Variants in KRABD2 observed in about 807,000 individuals in gnomAD.
KRABD2 encodes the protein KRAB domain-containing protein 2.
the KRABD2 span, among the ~76,000 whole-genome samples, chr17:8,363,914 G>T: frequency 7.0e-6 from 1 of 143,578 alleles, no homozygotes; most frequent in Non-Finnish European, 1.5e-5. Context: ...TGTTGCCCAG[G>T]CTGGAGTGCA....
the KRABD2 span, chr17:8,375,887 T>G: frequency 1.5e-4 from 180 of 1,227,862 alleles, no homozygotes; most frequent in African/African-American, 2.6e-3. Flanking sequence ...CCATGTTTAC[T>G]CCCTTCACCC....
the KRABD2 span, chr17:8,371,805 A>T: frequency 5.2e-6 from 6 of 1,148,130 alleles, no homozygotes; most frequent in Non-Finnish European, 6.4e-6. Flanking sequence ...TGGAAATATT[A>T]TATCTGTGTA....
the KRABD2 span, chr17:8,370,233 C>T: frequency 6.2e-7 from 1 of 1,613,468 alleles, no homozygotes; most frequent in Non-Finnish European, 8.5e-7. Context: ...AAATACCTTG[C>T]TGTTGTAACT....
chr17:8,370,080 T>C, the KRABD2 span: 4 of 1,614,104 alleles, frequency 2.5e-6, no homozygotes, highest in South Asian at 4.4e-5. Flanking sequence ...ACGTTCTCCA[T>C]GAGTAGCCTC....
the KRABD2 span, among the ~76,000 whole-genome samples, chr17:8,364,903 G>A: frequency 2.0e-5 from 3 of 151,838 alleles, no homozygotes; most frequent in Non-Finnish European, 2.9e-5. The surrounding 1 kb of genome is among the most constrained non-coding windows in gnomAD (Gnocchi z 4.4). Context: ...GCGTGGTGGC[G>A]GGCACCTGTA....
chr17:8,372,132 C>T, the KRABD2 span: 1 of 967,036 alleles, frequency 1.0e-6, no homozygotes, highest in Non-Finnish European at 1.2e-6. The surrounding 1 kb of genome is among the most constrained non-coding windows in gnomAD (Gnocchi z 4.1). Context: ...GCAAGAGTCT[C>T]AGTTAAGTGG....
the KRABD2 span, chr17:8,367,073 TGAGGGGCAGGAATATGTATTA>T: frequency 6.6e-6 from 1 of 152,220 alleles, no homozygotes; most frequent in African/African-American, 2.4e-5. Context: ...AGTATGTGTC[TGAGGGGCAGGAATATGTATTA>T]GATATATCTA....
chr17:8,376,254 C>A, the KRABD2 span: 1 of 1,229,612 alleles, frequency 8.1e-7, no homozygotes. Context: ...AGCAGCGGTA[C>A]GGCCGAGTCT....
the KRABD2 span, among the ~76,000 whole-genome samples, chr17:8,375,524 C>A: frequency 7.6e-6 from 1 of 131,516 alleles, no homozygotes; most frequent in African/African-American, 3.0e-5. Flanking sequence ...CTTTCAATAT[C>A]TTTTTTCTTT....
the KRABD2 span, among the ~76,000 whole-genome samples, chr17:8,364,241 G>A: frequency 6.6e-6 from 1 of 152,166 alleles, no homozygotes; most frequent in South Asian, 2.1e-4. The surrounding 1 kb of genome is among the most constrained non-coding windows in gnomAD (Gnocchi z 4.4). Context: ...CAAATGGACA[G>A]CCAATTGATC....
chr17:8,371,749 C>T, the KRABD2 span: 133,565 of 1,278,722 alleles, frequency 0.1, 7,428 homozygotes, highest in Middle Eastern at 0.17. Flanking sequence ...TGAACTTGGG[C>T]GCAGGCTTGA....
chr17:8,366,824 G>C, the KRABD2 span, among the ~76,000 whole-genome samples: 64,402 of 151,760 alleles, frequency 0.42, 14,159 homozygotes, highest in Admixed American at 0.54. Flanking sequence ...TAGGTTCAAG[G>C]GATCTTCCTA....
chr17:8,359,888 A>T, the KRABD2 span: 19 of 454,906 alleles, frequency 4.2e-5, no homozygotes, highest in Non-Finnish European at 8.4e-5. Context: ...GAGAGGCAAA[A>T]ACAAGAGGGG....
the KRABD2 span, among the ~76,000 whole-genome samples, chr17:8,361,525 A>G: frequency 6.6e-6 from 1 of 152,232 alleles, no homozygotes; most frequent in Non-Finnish European, 1.5e-5. Context: ...AGTTGGGACC[A>G]TATGATAGTC....
the KRABD2 span, chr17:8,367,256 T>C: frequency 6.6e-6 from 1 of 152,004 alleles, no homozygotes; most frequent in Non-Finnish European, 1.5e-5. Context: ...CCCAGCACTT[T>C]GGGAGGCAGA....
chr17:8,372,001 G>T, the KRABD2 span: 1 of 985,636 alleles, frequency 1.0e-6, no homozygotes, highest in Non-Finnish European at 1.2e-6. The surrounding 1 kb of genome is among the most constrained non-coding windows in gnomAD (Gnocchi z 4.1). Flanking sequence ...CATGAGGACT[G>T]CAGGAATTCC....
At chr17:8,369,572 A>G in the KRABD2 span, 18 of 1,614,044 alleles carry the variant, frequency 1.1e-5, no homozygotes, top group East Asian at 4.5e-5. Flanking sequence ...TACCAGATAC[A>G]ATCTTTAGGT....
the KRABD2 span, among the ~76,000 whole-genome samples, chr17:8,372,698 G>A: frequency 6.6e-6 from 1 of 152,238 alleles, no homozygotes; most frequent in African/African-American, 2.4e-5. The surrounding 1 kb of genome is among the most constrained non-coding windows in gnomAD (Gnocchi z 4.1). Context: ...GAACCTGAGT[G>A]CTGTGTTGGT....
chr17:8,361,600 TC>T, the KRABD2 span, among the ~76,000 whole-genome samples: 2 of 152,204 alleles, frequency 1.3e-5, no homozygotes, highest in African/African-American at 4.8e-5. Flanking sequence ...TTTCTTTTTT[TC>T]CCCTGAAGGG....
Sources: allele counts gnomAD v4.1 joint callset (sites outside exome capture counted in the v4.1 genomes callset), GRCh38; gene constraint gnomAD v4.1.1; non-coding constraint Gnocchi (gnomAD v3.1); transcripts MANE v1.5; gene names NCBI Gene and HGNC (gene_info 2026-07-23, HGNC 2026-07-21).